GRIK2: variants seen among roughly 807,000 people sequenced by gnomAD.
The protein encoded by GRIK2 is glutamate receptor ionotropic, kainate 2.
A neutral mutation model predicts 100.3 loss-of-function variants in GRIK2; 32 were observed. That is an observed-to-expected ratio of 0.32 (90% CI 0.24 to 0.43). GRIK2 has a LOEUF of 0.43. GRIK2 is among the 20% of genes least tolerant of loss of function. GRIK2 has a pLI of 1.00. For missense variants in GRIK2, 843 were observed against 1,114.9 expected (o/e 0.76, Z 3.47); for synonymous variants, 417 against 389.4 (o/e 1.07, Z -0.83).
At chr6:101,420,919 T>C (rs996089003) in intron 2 of GRIK2, among the ~76,000 whole-genome samples, 2 of 152,172 alleles carry the variant, frequency 1.3e-5, no homozygotes, top group African/African-American at 4.8e-5. Flanking sequence ...CAGAGATGGA[T>C]ACCAACCAAG....
At chr6:101,975,777 ATCTG>A (rs1185037083) in intron 14 of GRIK2, among the ~76,000 whole-genome samples, 4 of 141,278 alleles carry the variant, frequency 2.8e-5, no homozygotes, top group African/African-American at 7.8e-5. Context: ...CTATGTGTCT[ATCTG>A]TCTGTCTGTC....
intron 2 of GRIK2, among the ~76,000 whole-genome samples, chr6:101,593,415 T>C (rs1778771348): frequency 6.6e-6 from 1 of 151,918 alleles, no homozygotes; most frequent in Non-Finnish European, 1.5e-5. Context: ...TGTAGTTATT[T>C]ATATTTTACA....
chr6:102,048,646 G>A (rs997601387), intron 15 of GRIK2, among the ~76,000 whole-genome samples: 2 of 151,998 alleles, frequency 1.3e-5, no homozygotes, highest in Admixed American at 6.6e-5. Context: ...AAACCACAGT[G>A]ACATATCACC....
intron 14 of GRIK2, among the ~76,000 whole-genome samples, chr6:102,025,895 A>T (rs1769671049): frequency 6.6e-6 from 1 of 150,662 alleles, no homozygotes; most frequent in Non-Finnish European, 1.5e-5. Context: ...GTTGAGTTTT[A>T]AACTAAAACT....
intron 16 of GRIK2, among the ~76,000 whole-genome samples, chr6:102,058,463 C>G (rs896723835): frequency 6.6e-6 from 1 of 151,440 alleles, no homozygotes; most frequent in Non-Finnish European, 1.5e-5. Flanking sequence ...TTTTTCTATA[C>G]AATTCAAAAT....
chr6:102,006,892 AT>A (rs1322343673), intron 14 of GRIK2, among the ~76,000 whole-genome samples: 3 of 152,138 alleles, frequency 2.0e-5, no homozygotes, highest in Non-Finnish European at 2.9e-5. Flanking sequence ...TTGACAAAAA[AT>A]AAATGCATAT....
At chr6:102,062,544 G>C (rs1053120427) in intron 16 of GRIK2, among the ~76,000 whole-genome samples, 1 of 150,502 alleles carries the variant, frequency 6.6e-6, no homozygotes, top group Non-Finnish European at 1.5e-5. Context: ...TACATGTAAA[G>C]TTTCTTTTGA....
At chr6:101,435,522 G>A (rs1769665445) in intron 2 of GRIK2, among the ~76,000 whole-genome samples, 1 of 151,598 alleles carries the variant, frequency 6.6e-6, no homozygotes, top group Non-Finnish European at 1.5e-5. Context: ...TCCAGAAGTT[G>A]TTTTTCTCCC....
chr6:101,698,960 C>T (rs1772688097), intron 7 of GRIK2, among the ~76,000 whole-genome samples: 1 of 152,076 alleles, frequency 6.6e-6, no homozygotes, highest in African/African-American at 2.4e-5. Flanking sequence ...TTGTAGTTAC[C>T]TCACTGGACT....
At chr6:101,560,638 A>G (rs917133514) in intron 2 of GRIK2, among the ~76,000 whole-genome samples, 1 of 151,848 alleles carries the variant, frequency 6.6e-6, no homozygotes, top group Non-Finnish European at 1.5e-5. Context: ...TTATTGGCAA[A>G]TATTTCAGAA....
chr6:101,955,596 C>G (rs1202677740), intron 14 of GRIK2, among the ~76,000 whole-genome samples: 1 of 148,946 alleles, frequency 6.7e-6, no homozygotes, highest in Non-Finnish European at 1.5e-5. Flanking sequence ...CTCTCTCTCT[C>G]TCTCTCTCTC....
intron 4 of GRIK2, among the ~76,000 whole-genome samples, chr6:101,656,265 T>G (rs1782060739): frequency 6.7e-6 from 1 of 149,100 alleles, no homozygotes; most frequent in Admixed American, 6.7e-5. Context: ...ATTGCACCAT[T>G]GTACTCCAGC....
intron 2 of GRIK2, among the ~76,000 whole-genome samples, chr6:101,480,033 A>T (rs1173763247): frequency 6.6e-6 from 1 of 152,146 alleles, no homozygotes; most frequent in African/African-American, 2.4e-5. Flanking sequence ...GCCTCCCCTA[A>T]CATACTGCAT....
rs115155258 is a variant in GRIK2 at position 101,929,390 on chromosome 6, T to C, written c.2085+758T>C. 1.6e-3 allele frequency among the ~76,000 whole-genome samples: 237 copies of C among 152,282 alleles called. 1 individual carries two copies. Among genetic ancestry groups the C allele is most frequent in the African/African-American group, 5.4e-3 (224 of 41,562 alleles). ...CAAGTATTTTTACAGTTTTTGTAGG[T>C]TGGGCAAATTTTAAAACATTGATAT... On this transcript the variant is annotated intron_variant, in intron 14 of 16. Coordinates refer to ENST00000369134, the MANE Select transcript of GRIK2 (RefSeq NM_021956.5).
intron 2 of GRIK2, among the ~76,000 whole-genome samples, chr6:101,476,348 A>AT (rs1279488364): frequency 1.3e-5 from 2 of 151,934 alleles, no homozygotes; most frequent in Non-Finnish European, 2.9e-5. Context: ...ATTTTTATTC[A>AT]TTTTTGGAGG....
At chr6:101,938,298 A>G (rs1790735206) in intron 14 of GRIK2, among the ~76,000 whole-genome samples, 1 of 152,068 alleles carries the variant, frequency 6.6e-6, no homozygotes, top group Admixed American at 6.6e-5. Flanking sequence ...TTACCACTTT[A>G]TCATGCATAT....
chr6:101,444,592 C>T (rs985208138), intron 2 of GRIK2, among the ~76,000 whole-genome samples: 1 of 152,000 alleles, frequency 6.6e-6, no homozygotes, highest in African/African-American at 2.4e-5. Flanking sequence ...GCAAAGTTCT[C>T]CTTAATTGCA....
At chr6:101,900,293 C>T (rs549526499) in intron 12 of GRIK2, among the ~76,000 whole-genome samples, 7 of 152,032 alleles carry the variant, frequency 4.6e-5, no homozygotes, top group Non-Finnish European at 5.9e-5. Flanking sequence ...AGAGAAACCC[C>T]GTCTCCACTA....
intron 11 of GRIK2, among the ~76,000 whole-genome samples, chr6:101,889,137 C>A (rs1786864086): frequency 6.6e-6 from 1 of 151,978 alleles, no homozygotes; most frequent in African/African-American, 2.4e-5. Context: ...AATATTTTAA[C>A]TATTTAAAGA....
Sources: allele counts gnomAD v4.1 joint callset (sites outside exome capture counted in the v4.1 genomes callset), GRCh38; gene constraint gnomAD v4.1.1; transcripts MANE v1.5; gene names NCBI Gene and HGNC (gene_info 2026-07-23, HGNC 2026-07-21).